CDH13: variants seen among roughly 807,000 people sequenced by gnomAD.
The protein encoded by CDH13 is cadherin 13.
A neutral mutation model predicts 63.8 loss-of-function variants in CDH13; 24 were observed. The observed-to-expected ratio is 0.38, with a 90% CI of 0.27 to 0.53. The LOEUF is 0.53. CDH13 is among the 20% of genes least tolerant of loss of function. CDH13 has a pLI of 0.85. For missense variants in CDH13, 1,049 were observed against 903.1 expected (o/e 1.16, Z -2.07); for synonymous variants, 503 against 355.3 (o/e 1.42, Z -4.67).
chr16:83,512,203 C>A (rs2074584607), intron 7 of CDH13, among the ~76,000 whole-genome samples: 1 of 151,450 alleles, frequency 6.6e-6, no homozygotes. Context: ...TGCCTGTAGT[C>A]CCAGCTACTC....
intron 2 of CDH13, among the ~76,000 whole-genome samples, chr16:83,008,192 C>G (rs77920843): frequency 0.032 from 4,871 of 152,058 alleles, 104 homozygotes; most frequent in Non-Finnish European, 0.045. Flanking sequence ...CAAAAACATA[C>G]TATGGGATAC....
At chr16:83,252,154 C>G (rs898281930) in intron 5 of CDH13, among the ~76,000 whole-genome samples, 7 of 85,572 alleles carry the variant, frequency 8.2e-5, no homozygotes, top group East Asian at 8.5e-4. Context: ...ATATATATAT[C>G]TTTAAGTTAC....
intron 1 of CDH13, among the ~76,000 whole-genome samples, chr16:82,656,707 C>A (rs1911335311): frequency 6.6e-6 from 1 of 152,134 alleles, no homozygotes; most frequent in South Asian, 2.1e-4. Context: ...AGTTGTACAG[C>A]CCTAAAATAC....
chr16:83,767,253 C>T (rs968072362), intron 11 of CDH13, among the ~76,000 whole-genome samples: 1 of 152,050 alleles, frequency 6.6e-6, no homozygotes, highest in African/African-American at 2.4e-5. Context: ...CCACCCAAAT[C>T]TCACCTTGAG....
intron 2 of CDH13, among the ~76,000 whole-genome samples, chr16:82,967,554 A>T (rs1389497379): frequency 6.6e-6 from 1 of 152,208 alleles, no homozygotes; most frequent in Non-Finnish European, 1.5e-5. Context: ...TGGCGTGGGA[A>T]GCCCACAGGA....
intron 1 of CDH13, among the ~76,000 whole-genome samples, chr16:82,816,949 C>G (rs2037747397): frequency 6.6e-6 from 1 of 151,850 alleles, no homozygotes; most frequent in Non-Finnish European, 1.5e-5. Flanking sequence ...AAAACATGAC[C>G]TAAAAGAGAG....
intron 2 of CDH13, among the ~76,000 whole-genome samples, chr16:82,885,058 C>T (rs551676033): frequency 7.2e-5 from 11 of 152,190 alleles, no homozygotes; most frequent in East Asian, 3.9e-4. Flanking sequence ...ATTTTTCTTC[C>T]GGTACTATAT....
chr16:83,747,390 C>G (rs544868079), intron 10 of CDH13, among the ~76,000 whole-genome samples: 1 of 152,270 alleles, frequency 6.6e-6, no homozygotes, highest in African/African-American at 2.4e-5. Flanking sequence ...CTTGGTTTCA[C>G]TCTCTCGTCT....
chr16:82,792,762 C>G (rs563213460), intron 1 of CDH13, among the ~76,000 whole-genome samples: 5 of 152,266 alleles, frequency 3.3e-5, no homozygotes, highest in African/African-American at 1.2e-4. Flanking sequence ...AAATGTATAC[C>G]TCTGCTAGTT....
At chr16:83,267,116 C>G (rs1376359628) in intron 5 of CDH13, among the ~76,000 whole-genome samples, 4 of 152,194 alleles carry the variant, frequency 2.6e-5, no homozygotes, top group African/African-American at 9.6e-5. Context: ...GCAGCAGAGA[C>G]ATGCATGCCT....
chr16:83,164,076 TC>T (rs2037559358), intron 4 of CDH13, among the ~76,000 whole-genome samples: 1 of 151,978 alleles, frequency 6.6e-6, no homozygotes, highest in Admixed American at 6.6e-5. Context: ...TGGTAACTGA[TC>T]GGGAAAAAAA....
At chr16:83,783,652 A>C (rs1915686081) in intron 13 of CDH13, among the ~76,000 whole-genome samples, 180 bp downstream of exon 13, 1 of 152,236 alleles carries the variant, frequency 6.6e-6, no homozygotes, top group East Asian at 1.9e-4. Context: ...ACTGATGTTT[A>C]AAGGCATCTT....
chr16:83,476,575 A>G (rs1413050139), intron 6 of CDH13, among the ~76,000 whole-genome samples: 1 of 152,226 alleles, frequency 6.6e-6, no homozygotes, highest in East Asian at 1.9e-4. Flanking sequence ...TGGAAGGCTG[A>G]GGCATGAGAA....
intron 2 of CDH13, among the ~76,000 whole-genome samples, chr16:82,864,470 G>T (rs979738332): frequency 1.3e-5 from 2 of 152,156 alleles, no homozygotes; most frequent in African/African-American, 4.8e-5. Context: ...TGAAGAGGAA[G>T]CAAGGCACCT....
intron 10 of CDH13, among the ~76,000 whole-genome samples, chr16:83,709,530 A>G (rs1907686546): frequency 6.6e-6 from 1 of 152,246 alleles, no homozygotes; most frequent in African/African-American, 2.4e-5. Flanking sequence ...TCATCCTTGC[A>G]TCCACCATGT....
At chr16:83,342,156 GT>G (rs2090739573) in intron 5 of CDH13, among the ~76,000 whole-genome samples, 1 of 151,490 alleles carries the variant, frequency 6.6e-6, no homozygotes. Flanking sequence ...GGAGTACTGA[GT>G]TTTTTCATTT....
At chr16:82,663,266 A>T (rs148120718) in intron 1 of CDH13, among the ~76,000 whole-genome samples, 2,966 of 152,256 alleles carry the variant, frequency 0.019, 80 homozygotes, top group African/African-American at 0.062. Flanking sequence ...GGCTCACCGC[A>T]ACCTCTGCCT....
chr16:83,419,809 G>A (rs2071661975), intron 6 of CDH13, among the ~76,000 whole-genome samples: 1 of 152,094 alleles, frequency 6.6e-6, no homozygotes, highest in Non-Finnish European at 1.5e-5. Flanking sequence ...GCAGGTTTAG[G>A]AGTCACCTAA....
At chr16:83,667,497 C>G (rs932682019) in intron 8 of CDH13, among the ~76,000 whole-genome samples, 1 of 152,114 alleles carries the variant, frequency 6.6e-6, no homozygotes, top group Non-Finnish European at 1.5e-5. Flanking sequence ...CCATCCGTCC[C>G]ATCTTCAGAC....
Sources: gnomAD v4.1 joint callset for allele counts (sites outside exome capture counted in the v4.1 genomes callset) on GRCh38, gnomAD v4.1.1 for gene constraint, MANE v1.5 for transcripts, NCBI Gene and HGNC (gene_info 2026-07-23, HGNC 2026-07-21) for gene names.